Variants in LILRA1 observed in about 807,000 individuals in gnomAD.
LILRA1 encodes leukocyte immunoglobulin-like receptor subfamily A member 1.
LILRA1 carries 51 observed loss-of-function variants against 51.6 expected under a neutral mutation model. That is an observed-to-expected ratio of 0.99 (90% CI 0.79 to 1.25). LILRA1 has a LOEUF of 1.25. Ranked by LOEUF, LILRA1 falls within the 50% of genes most tolerant of loss-of-function variation. The pLI is 0.00. For synonymous variants in LILRA1, 305 were observed against 248.4 expected (o/e 1.23, Z -2.14); for missense variants, 660 against 611.7 (o/e 1.08, Z -0.83).
intron 7 of LILRA1, among the ~76,000 whole-genome samples, chr19:54,597,122 G>A (rs2146076615): frequency 6.6e-6 from 1 of 152,308 alleles, no homozygotes; most frequent in East Asian, 1.9e-4. Context: ...AGAGCCTCTG[G>A]GGATCCCAAC....
Position 54,595,754 on chromosome 19 carries a change from G to C in LILRA1, c.777G>C (p.Lys259Asn). The C allele has an allele frequency of 3.1e-6, 5 of 1,614,132 alleles. No individual in the cohort carries two copies. Among genetic ancestry groups the C allele is most frequent in the Non-Finnish European group, 4.2e-6 (5 of 1,179,998 alleles). ...GCTACGACAGATTTGTTCTGTATAAGGAGGGAGAACGTGACTTCCTCCAGC... is the reference window on the plus strand; with the variant it reads ...GCTACGACAGATTTGTTCTGTATAACGAGGGAGAACGTGACTTCCTCCAGC... ...DVSYDRFVLY[K>N]EGERDFLQLP... is the part of the protein sequence containing the mutation. The change falls in exon 6 of 10, where the codon AAG becomes AAC. Residue 259 changes from lysine (K) to asparagine (N), a missense_variant. Physicochemically the swap from Lys to Asn is moderately conservative, Grantham distance 94. Transcript: ENST00000251372.
intron 2 of LILRA1, 72 bp from the exon 3 acceptor site, chr19:54,594,369 A>C: frequency 6.2e-7 from 1 of 1,614,140 alleles, no homozygotes. Context: ...CCAGGGGCTC[A>C]CAAAGATCCC....
chr19:54,602,373 T>G lies in LILRA1; in HGVS notation c.*1556T>G, dbSNP rs1399203487. ...TACCCTCTAGAATAAAGAAATCTTATTAAGGACATTTTCAAAGCCTTAACA... is the reference window on the plus strand; with the variant it reads ...TACCCTCTAGAATAAAGAAATCTTAGTAAGGACATTTTCAAAGCCTTAACA... On this transcript the variant is annotated 3_prime_UTR_variant, in exon 10 of 10. Transcript: ENST00000251372. Among the ~76,000 whole-genome samples, 2 of 152,238 alleles carry G rather than the reference T, an allele frequency of 1.3e-5. No homozygotes were observed. Among genetic ancestry groups the G allele is most frequent in the Non-Finnish European group, 2.9e-5 (2 of 68,048 alleles).
intron 7 of LILRA1, among the ~76,000 whole-genome samples, chr19:54,596,771 G>A (rs1407081552): frequency 6.6e-6 from 1 of 152,184 alleles, no homozygotes; most frequent in Admixed American, 6.5e-5. Flanking sequence ...GGAGGCTGAG[G>A]CAGGAGAATG....
Position 54,599,624 on chromosome 19 carries a change from T to C in LILRA1, c.1312+338T>C, listed in dbSNP as rs546403603. 1.6e-5 allele frequency: 16 copies of C among 996,614 alleles called. No individual in the cohort carries two copies. The East Asian group carries it at 1.3e-3, about 79-fold the overall frequency. The allele number at this position is 996,614 out of a possible 1,614,324, so 61.7% of individuals were successfully genotyped here. A position where few individuals can be genotyped will look rare whatever the true frequency, so the allele number is the denominator to read the frequency against. ...ACCGTAAGACAATGGGAAATTTTAC[T>C]TCTTTATTTCTAAATTATGTGCCAA... On this transcript the variant is annotated intron_variant, in intron 8 of 9. Coordinates refer to ENST00000251372, the MANE Select transcript of LILRA1 (RefSeq NM_006863.4).
chr19:54,596,081 G>A, intron 6 of LILRA1, 108 bp from the exon 7 acceptor site: 1 of 1,513,476 alleles, frequency 6.6e-7, no homozygotes. Context: ...GGGCGGGGAA[G>A]ACTCAGAGAA....
chr19:54,596,889 G>T (rs1261686313), intron 7 of LILRA1, among the ~76,000 whole-genome samples: 1 of 151,870 alleles, frequency 6.6e-6, no homozygotes, highest in Non-Finnish European at 1.5e-5. Context: ...AAAGAAAAGA[G>T]TGGAGTGAAG....
intron 8 of LILRA1, 47 bp from the exon 9 acceptor site, chr19:54,600,464 CA>C (rs767275972): frequency 6.3e-7 from 1 of 1,599,764 alleles, no homozygotes; most frequent in Non-Finnish European, 8.6e-7. Context: ...ATGCAGAGCC[CA>C]GGGGAGAGGC....
At chr19:54,599,773 C>T (rs2063132286) in intron 8 of LILRA1, 1 of 357,078 alleles carries the variant, frequency 2.8e-6, no homozygotes, top group Non-Finnish European at 4.0e-6. Context: ...GTAAGTATAT[C>T]CAAATTCATT....
At position 54,596,357 on chromosome 19, in the gene LILRA1, C is replaced by G; in HGVS notation, c.1127C>G (p.Pro376Arg). The G allele has an allele frequency of 1.2e-6, 2 of 1,605,148 alleles. No homozygotes were observed. Among genetic ancestry groups the G allele is most frequent in the Non-Finnish European group, 1.7e-6 (2 of 1,174,004 alleles). ...PLRLRSIHEY[P>R]KYQAEFPMSP... ...CGTCTCAGATCAATACACGAATATC[C>G]TAAGTACCAGGCTGAATTCCCTATG... Residue 376 changes from proline to arginine, a missense_variant, in exon 7 of 10, where the codon CCT becomes CGT. Coordinates refer to ENST00000251372, the MANE Select transcript of LILRA1 (RefSeq NM_006863.4).
rs114946733 is a variant in LILRA1, at chr19:54,596,198, G to T, written c.968G>T (p.Arg323Leu). ...TCCTTCTTCTCTCCAGGACAGTTCC[G>T]TGGCAGACCCTTCATCTCGGTGCAT... ...PLDILIAGQF[R>L]GRPFISVHPG... Residue 323 changes from arginine (R) to leucine (L), a missense_variant, in exon 7 of 10, where the codon CGT (arginine) becomes CTT (leucine). Physicochemically the swap from Arg to Leu is moderately radical, Grantham distance 102. Transcript: ENST00000251372. 1.9e-6 allele frequency: 3 copies of T among 1,613,736 alleles called. No individual in the cohort carries two copies. Among genetic ancestry groups the T allele is most frequent in the Non-Finnish European group, 2.5e-6 (3 of 1,179,786 alleles).
Position 54,600,443 on chromosome 19 carries a change from G to A in LILRA1, c.1313-69G>A, listed in dbSNP as rs558708066. The A allele has an allele frequency of 6.9e-5, 103 of 1,499,176 alleles. No homozygotes were observed. The East Asian group carries it at 2.1e-3, about 30-fold the overall frequency. The allele number at this position is 1,499,176 out of a possible 1,614,324, so 92.9% of individuals were successfully genotyped here. ...TAGAACTCATGTCAGAAGACATAGG[G>A]GAAGATAAGAATGCAGAGCCCAGGG... On this transcript the variant is annotated intron_variant, in intron 8 of 9. Transcript: ENST00000251372.
intron 6 of LILRA1, 82 bp from the exon 7 acceptor site, chr19:54,596,095 AGAGATAGAGACT>A: frequency 6.5e-7 from 1 of 1,530,918 alleles, no homozygotes; most frequent in South Asian, 1.3e-5. Context: ...CAGAGAAAAC[AGAGATAGAGACT>A]GAGGGTCCCA....
intron 8 of LILRA1, 44 bp downstream of exon 8, chr19:54,599,330 G>C: frequency 6.5e-7 from 1 of 1,531,884 alleles, no homozygotes; most frequent in Non-Finnish European, 8.9e-7. Flanking sequence ...GGCACAGAGG[G>C]TCAGGTCCTG....
rs61739190 is a variant in LILRA1, at chr19:54,595,889, C to G, written c.912C>G (p.Ser304=). The G allele has an allele frequency of 0.055, 82,041 of 1,480,872 alleles. 552 individuals carry two copies. The highest frequency in any genetic ancestry group is 0.29 in the African/African-American group (19,281 of 67,262). The allele number at this position is 1,480,872 out of a possible 1,614,324, so 91.7% of individuals were successfully genotyped here. A position where few individuals can be genotyped will look rare whatever the true frequency, so the allele number is the denominator to read the frequency against. Residue 304 remains serine (S), a synonymous_variant, in exon 6 of 10, where the codon TCC becomes TCG. Transcript: ENST00000251372. The part of the protein sequence containing the change: ...QYRCSGAYNL[S]SEWSAPSDPL... Reference sequence around the variant, plus strand: ...GATGCTCCGGTGCATACAACCTCTCCTCCGAGTGGTCGGCCCCCAGCGACC... The same window carrying G: ...GATGCTCCGGTGCATACAACCTCTCGTCCGAGTGGTCGGCCCCCAGCGACC...
intron 7 of LILRA1, among the ~76,000 whole-genome samples, chr19:54,598,496 C>T (rs1042572775): frequency 2.0e-5 from 3 of 152,176 alleles, no homozygotes; most frequent in African/African-American, 7.2e-5. Context: ...GCGGGAGCTA[C>T]AGTGCAGCTC....
chr19:54,598,881 C>T (rs2063112641), intron 7 of LILRA1, among the ~76,000 whole-genome samples: 2 of 152,118 alleles, frequency 1.3e-5, no homozygotes, highest in South Asian at 2.1e-4. Context: ...CTGCAACCTC[C>T]GTCTTCCAGT....
At position 54,600,700 on chromosome 19, in the gene LILRA1, C is replaced by G. The variant is rs2063147920; in HGVS notation, c.1353C>G (p.Ala451=). 1 of 1,614,060 alleles carries G rather than the reference C, an allele frequency of 6.2e-7. No homozygotes were observed. The highest frequency in any genetic ancestry group is 1.3e-5 in the African/African-American group (1 of 74,992). Residue 451 remains alanine, a splice_region_variant and synonymous_variant, in exon 10 of 10, where the codon GCC becomes GCG. Transcript: ENST00000251372. The stretch of plus-strand genomic sequence containing the variant: ...GACCTCTTTGCCCACCATCCCCAGC[C>G]TCACACCCCCAGGATTACACAGTGG... ...NTLSPSQNKT[A]SHPQDYTVEN... is the part of the protein sequence containing the mutation.
In LILRA1 at chr19:54,601,172, A is replaced by G. The variant is rs1048826401; in HGVS notation, c.*355A>G. On this transcript the variant is annotated 3_prime_UTR_variant, in exon 10 of 10. Transcript: ENST00000251372. ...CTGTGTGCTCTGGTCCATGGTGTGT[A>G]ACACAGTCTTCTTTATTACTCATTG... 5.3e-5 allele frequency: 18 copies of G among 339,330 alleles called. 1 individual carries two copies. Among genetic ancestry groups the G allele is most frequent in the African/African-American group, 3.7e-4 (18 of 48,294 alleles). 21.0% of individuals were successfully genotyped at this position (339,330 alleles called of 1,614,324 possible).
Sources: allele counts gnomAD v4.1 joint callset (sites outside exome capture counted in the v4.1 genomes callset), GRCh38; gene constraint gnomAD v4.1.1; transcripts MANE v1.5; gene names NCBI Gene and HGNC (gene_info 2026-07-23, HGNC 2026-07-21).